ZNF654: variants seen among roughly 807,000 people sequenced by gnomAD.
ZNF654 encodes the protein zinc finger protein 654, also known as melanoma-associated antigen.
ZNF654 carries 19 observed loss-of-function variants against 95.3 expected under a neutral mutation model. The observed-to-expected ratio is 0.20, with a 90% confidence interval of 0.14 to 0.29. The LOEUF (loss-of-function observed/expected upper bound fraction) is 0.29. ZNF654 is among the 10% of genes least tolerant of loss of function. The probability of loss-of-function intolerance (pLI) is 1.00; values close to 1 mark genes in which losing one functional copy is unlikely to be tolerated. For missense variants in ZNF654, 1,046 were observed against 1,341.0 expected (o/e 0.78, Z 3.44); for synonymous variants, 413 against 457.9 (o/e 0.90, Z 1.25).
chr3:88,131,626 C>T (rs1298119966), intron 6 of ZNF654, among the ~76,000 whole-genome samples: 1 of 152,100 alleles, frequency 6.6e-6, no homozygotes, highest in African/African-American at 2.4e-5. Context: ...TCTTCTGGCT[C>T]CTGGCCACAG....
intron 6 of ZNF654, among the ~76,000 whole-genome samples, chr3:88,133,510 A>G (rs1237145299): frequency 6.6e-6 from 1 of 152,186 alleles, no homozygotes; most frequent in African/African-American, 2.4e-5. Context: ...TGGGGTATTC[A>G]TGAAGGCTTT....
intron 3 of ZNF654, among the ~76,000 whole-genome samples, chr3:88,117,389 AAAT>A (rs980785702): frequency 4.6e-5 from 7 of 152,298 alleles, no homozygotes; most frequent in African/African-American, 1.4e-4. Flanking sequence ...ATGCCAGCAT[AAAT>A]AATGTCTGGA....
At position 88,139,171 on chromosome 3, in the gene ZNF654, CTCT is replaced by C; in HGVS notation, c.1504_1506del (p.Leu502del). On this transcript the variant is annotated inframe_deletion, in exon 8 of 9. Coordinates refer to ENST00000636215, the MANE Select transcript of ZNF654 (RefSeq NM_001350134.2). Reference sequence around the variant, plus strand: ...CAAGGTTTGGATGAAGGGTTTGACTCTCTTACAGATCAGAGCACTGGAGAGACT... The same window carrying C: ...CAAGGTTTGGATGAAGGGTTTGACTCTACAGATCAGAGCACTGGAGAGACT... 1 of 1,383,632 alleles carries C rather than the reference CTCT, an allele frequency of 7.2e-7. No homozygotes were observed. The highest frequency in any genetic ancestry group is 9.4e-7 in the Non-Finnish European group (1 of 1,068,306). 85.7% of individuals were successfully genotyped at this position (1,383,632 alleles called of 1,614,324 possible). A position where few individuals can be genotyped will look rare whatever the true frequency, so the allele number is the denominator to read the frequency against.
At chr3:88,074,146 A>C (rs1287892768) in intron 1 of ZNF654, among the ~76,000 whole-genome samples, 1 of 152,110 alleles carries the variant, frequency 6.6e-6, no homozygotes, top group Admixed American at 6.5e-5. Context: ...CTAGAGTCTA[A>C]AGACATTAAG....
At chr3:88,071,513 G>T (rs1707509165) in intron 1 of ZNF654, among the ~76,000 whole-genome samples, 1 of 152,208 alleles carries the variant, frequency 6.6e-6, no homozygotes, top group African/African-American at 2.4e-5. Flanking sequence ...GGGCGCGGTA[G>T]CGGGCGCCTG....
intron 6 of ZNF654, 40 bp downstream of exon 6, chr3:88,129,866 G>A: frequency 1.5e-6 from 2 of 1,352,326 alleles, no homozygotes; most frequent in Non-Finnish European, 1.9e-6. Context: ...TGGTAAGATG[G>A]GCAACAGAAA....
intron 2 of ZNF654, 137 bp downstream of exon 2, chr3:88,086,539 G>T: frequency 1.3e-6 from 1 of 785,028 alleles, no homozygotes; most frequent in Non-Finnish European, 1.8e-6. Flanking sequence ...TTTCACTGAA[G>T]TATTCAGGTT....
chr3:88,138,985 C>T lies in ZNF654; in HGVS notation c.1316C>T (p.Pro439Leu). ...VQNRVRFELL[P>L]ILKKGLFFDP... is the part of the protein sequence containing the mutation. ...AATCGTGTTCGTTTTGAATTGCTTC[C>T]AATTTTGAAAAAGGGATTGTTTTTT... is the stretch of plus-strand genomic sequence containing the variant. Residue 439 changes from proline to leucine, a missense_variant, in exon 8 of 9, where the codon CCA becomes CTA. By Grantham distance (98) the Pro-to-Leu change is moderately conservative. This residue lies in a region of ZNF654 where 78 missense variants were observed against 154.2 expected (regional missense o/e 0.51). Coordinates refer to ENST00000636215, the MANE Select transcript of ZNF654 (RefSeq NM_001350134.2). The T allele has an allele frequency of 8.0e-7, 1 of 1,245,824 alleles. No individual in the cohort carries two copies. Among genetic ancestry groups the T allele is most frequent in the Non-Finnish European group, 1.0e-6 (1 of 997,328 alleles). The allele number at this position is 1,245,824 out of a possible 1,614,324, so 77.2% of individuals were successfully genotyped here.
chr3:88,088,648 T>C (rs1172793812), intron 2 of ZNF654, among the ~76,000 whole-genome samples: 2 of 152,134 alleles, frequency 1.3e-5, no homozygotes, highest in African/African-American at 2.4e-5. Context: ...CTTTAAAAAT[T>C]GATTTGTATA....
Position 88,140,573 on chromosome 3 carries a change from A to G in ZNF654, c.2904A>G (p.Glu968=). Residue 968 remains glutamate, a synonymous_variant, in exon 8 of 9, where the codon GAA becomes GAG. Coordinates refer to ENST00000636215, the MANE Select transcript of ZNF654 (RefSeq NM_001350134.2). ...TGCCTGACATAGAGCCAAATTCTGAAAATAATTGTAGTAGTAGTGATATAG... is the reference window on the plus strand; with the variant it reads ...TGCCTGACATAGAGCCAAATTCTGAGAATAATTGTAGTAGTAGTGATATAG... ...QKMPDIEPNS[E]NNCSSSDIVN... is the part of the protein sequence containing the mutation. 1 of 1,613,726 alleles carries G rather than the reference A, an allele frequency of 6.2e-7. No individual in the cohort carries two copies. Among genetic ancestry groups the G allele is most frequent in the Non-Finnish European group, 8.5e-7 (1 of 1,179,726 alleles).
At chr3:88,078,284 GA>G (rs1450700249) in intron 1 of ZNF654, among the ~76,000 whole-genome samples, 1 of 152,100 alleles carries the variant, frequency 6.6e-6, no homozygotes, top group African/African-American at 2.4e-5. Context: ...GCTTTGCATA[GA>G]AAAATAAAAC....
At chr3:88,097,565 T>G (rs972487465) in intron 2 of ZNF654, among the ~76,000 whole-genome samples, 1 of 152,114 alleles carries the variant, frequency 6.6e-6, no homozygotes, top group Non-Finnish European at 1.5e-5. Context: ...ATTCCAAAAT[T>G]GACCACATAA....
At chr3:88,129,193 A>G (rs1706291875) in intron 5 of ZNF654, 182 bp downstream of exon 5, 3 of 524,828 alleles carry the variant, frequency 5.7e-6, no homozygotes, top group Non-Finnish European at 1.0e-5. Flanking sequence ...TGAATTAGTC[A>G]AAATCTGATA....
intron 3 of ZNF654, among the ~76,000 whole-genome samples, chr3:88,119,422 T>C (rs1393553239): frequency 7.3e-6 from 1 of 136,252 alleles, no homozygotes. Flanking sequence ...GGGATAGCAT[T>C]GGGAGATATA....
chr3:88,138,949 G>A lies in ZNF654; in HGVS notation c.1280G>A (p.Ser427Asn). 8.0e-7 allele frequency: 1 copy of A among 1,243,618 alleles called. No individual in the cohort carries two copies. 77.0% of individuals were successfully genotyped at this position (1,243,618 alleles called of 1,614,324 possible). ...RPDEEYNEGT[S>N]SVQNRVRFEL... is the part of the protein sequence containing the mutation. Reference sequence around the variant, plus strand: ...GATGAAGAATATAATGAAGGCACAAGTAGTGTTCAAAATCGTGTTCGTTTT... The same window carrying A: ...GATGAAGAATATAATGAAGGCACAAATAGTGTTCAAAATCGTGTTCGTTTT... The change falls in exon 8 of 9, where the codon AGT becomes AAT. Residue 427 changes from serine (S) to asparagine (N), a missense_variant. This residue lies in a region of ZNF654 where 78 missense variants were observed against 154.2 expected (regional missense o/e 0.51). Coordinates refer to ENST00000636215, the MANE Select transcript of ZNF654 (RefSeq NM_001350134.2).
At chr3:88,131,775 T>C (rs553533961) in intron 6 of ZNF654, among the ~76,000 whole-genome samples, 1 of 152,252 alleles carries the variant, frequency 6.6e-6, no homozygotes, top group East Asian at 1.9e-4. Flanking sequence ...CTTTTCTATA[T>C]TTCTGAATGT....
intron 2 of ZNF654, among the ~76,000 whole-genome samples, chr3:88,107,540 G>A (rs781680676): frequency 2.0e-5 from 3 of 151,986 alleles, no homozygotes; most frequent in Admixed American, 6.6e-5. Context: ...TGGATTTTTC[G>A]TCAGTTGCGA....
At chr3:88,075,619 T>G (rs13095505) in intron 1 of ZNF654, among the ~76,000 whole-genome samples, 3,090 of 152,360 alleles carry the variant, frequency 0.02, 47 homozygotes, top group Middle Eastern at 0.041. Flanking sequence ...TTTGTTCTAC[T>G]TTATTGGCAG....
At chr3:88,137,830 C>T (rs1411075834) in intron 7 of ZNF654, among the ~76,000 whole-genome samples, 8 of 152,126 alleles carry the variant, frequency 5.3e-5, no homozygotes, top group South Asian at 4.1e-4. Context: ...ACTAAGAAAA[C>T]GTGAGGCTGG....
Sources: gnomAD v4.1 joint callset for allele counts (sites outside exome capture counted in the v4.1 genomes callset) on GRCh38, gnomAD v4.1.1 for gene constraint, gnomAD v4.1.1 regional missense constraint, MANE v1.5 for transcripts, NCBI Gene and HGNC (gene_info 2026-07-23, HGNC 2026-07-21) for gene names.